Variants in RPRD1B observed in about 807,000 individuals in gnomAD.
The protein encoded by RPRD1B is regulation of nuclear pre-mRNA domain-containing protein 1B.
In RPRD1B, 11 loss-of-function variants were observed where a neutral mutation model predicts 41.5. The ratio of observed to expected loss-of-function variants is 0.27; its 90% confidence interval spans 0.17 to 0.44. RPRD1B has a LOEUF of 0.44. RPRD1B is among the 20% of genes least tolerant of loss of function. The pLI, the probability that RPRD1B is intolerant of heterozygous loss-of-function variation, is 1.00. For synonymous variants in RPRD1B, 158 were observed against 155.6 expected, an observed-to-expected ratio of 1.02 and a Z score of -0.12; for missense variants, 248 against 389.9, an observed-to-expected ratio of 0.64 and a Z score of 3.06.
chr20:38,058,534 A>G (rs557076821), intron 4 of RPRD1B, among the ~76,000 whole-genome samples: 11 of 152,306 alleles, frequency 7.2e-5, no homozygotes, highest in Admixed American at 1.3e-4. Context: ...GTTTTCTGAC[A>G]ATTTAAGAAA....
intron 6 of RPRD1B, among the ~76,000 whole-genome samples, chr20:38,067,538 A>G (rs575990729): frequency 1.3e-5 from 2 of 152,330 alleles, no homozygotes; most frequent in East Asian, 3.9e-4. Context: ...GCCTTTCAGC[A>G]TGGTCATCTG....
At chr20:38,088,613 G>A (rs960476418) in intron 6 of RPRD1B, among the ~76,000 whole-genome samples, 1 of 152,212 alleles carries the variant, frequency 6.6e-6, no homozygotes, top group Non-Finnish European at 1.5e-5. Flanking sequence ...ACATGGCCTA[G>A]GGTTGTTTTC....
At chr20:38,076,061 T>C (rs1157817731) in intron 6 of RPRD1B, among the ~76,000 whole-genome samples, 1 of 152,182 alleles carries the variant, frequency 6.6e-6, no homozygotes, top group Non-Finnish European at 1.5e-5. Context: ...TGGACAGTAA[T>C]TATGAATGGA....
At chr20:38,084,737 T>G (rs922409350) in intron 6 of RPRD1B, among the ~76,000 whole-genome samples, 2 of 152,226 alleles carry the variant, frequency 1.3e-5, no homozygotes, top group African/African-American at 2.4e-5. Flanking sequence ...ACACATTTTC[T>G]CCTGTAAGTT....
At chr20:38,077,266 A>G (rs2074471882) in intron 6 of RPRD1B, among the ~76,000 whole-genome samples, 1 of 151,706 alleles carries the variant, frequency 6.6e-6, no homozygotes, top group African/African-American at 2.4e-5. Context: ...TCAGTTACCA[A>G]CTGGATGTTG....
intron 6 of RPRD1B, among the ~76,000 whole-genome samples, chr20:38,077,220 G>A (rs2074471523): frequency 6.6e-6 from 1 of 151,982 alleles, no homozygotes; most frequent in East Asian, 1.9e-4. Context: ...ACCAGGCCTG[G>A]ACCTTTTCCT....
chr20:38,066,186 T>A lies in RPRD1B; in HGVS notation c.761T>A (p.Leu254Gln). ...GCAGAACTGGAGGACCGTCGCCAGC[T>A]GGCTCGGATGTTGGTGGAGTATACC... The part of the protein sequence containing the change: ...LAAELEDRRQ[L>Q]ARMLVEYTQN... The change falls in exon 6 of 7, where the codon CTG (leucine) becomes CAG (glutamine). Residue 254 changes from leucine to glutamine, a missense_variant. Transcript: ENST00000373433. 6.2e-7 allele frequency: 1 copy of A among 1,614,232 alleles called. No homozygotes were observed.
intron 2 of RPRD1B, among the ~76,000 whole-genome samples, chr20:38,047,494 C>T (rs1032057051): frequency 2.0e-5 from 3 of 150,964 alleles, no homozygotes; most frequent in Non-Finnish European, 4.4e-5. Context: ...TAAAGTCATT[C>T]AGTATAAGAT....
chr20:38,081,568 G>T (rs1367301091), intron 6 of RPRD1B, among the ~76,000 whole-genome samples: 1 of 152,070 alleles, frequency 6.6e-6, no homozygotes, highest in Non-Finnish European at 1.5e-5. Flanking sequence ...GATTGCTCTG[G>T]CTAGGACTTC....
intron 4 of RPRD1B, among the ~76,000 whole-genome samples, chr20:38,057,965 G>A (rs978485908): frequency 1.3e-5 from 2 of 152,164 alleles, no homozygotes; most frequent in African/African-American, 2.4e-5. Context: ...TTCAAAAGTC[G>A]TCTACCATGG....
intron 3 of RPRD1B, among the ~76,000 whole-genome samples, chr20:38,056,044 T>C (rs142842276): frequency 6.6e-6 from 1 of 152,304 alleles, no homozygotes; most frequent in Non-Finnish European, 1.5e-5. Context: ...CGGCCTGTAT[T>C]GCAGATGTTC....
chr20:38,074,448 T>C (rs1161921423), intron 6 of RPRD1B, among the ~76,000 whole-genome samples: 1 of 152,202 alleles, frequency 6.6e-6, no homozygotes, highest in African/African-American at 2.4e-5. Flanking sequence ...AAGAACATGA[T>C]TTGCCAACAT....
At position 38,091,993 on chromosome 20, in the gene RPRD1B, T is replaced by C; in HGVS notation, c.*2118T>C. 7 of 985,914 alleles carry C rather than the reference T, an allele frequency of 7.1e-6. No homozygotes were observed. Among genetic ancestry groups the C allele is most frequent in the Non-Finnish European group, 8.4e-6 (7 of 829,936 alleles). 61.1% of individuals were successfully genotyped at this position (985,914 alleles called of 1,614,324 possible). Reference sequence around the variant, plus strand: ...TGTTTTGATGAAATGCTTTCGTTTTTTAAATCTTAATTCTGCTGTCCACAT... The same window carrying C: ...TGTTTTGATGAAATGCTTTCGTTTTCTAAATCTTAATTCTGCTGTCCACAT... On this transcript the variant is annotated 3_prime_UTR_variant, in exon 7 of 7. Transcript: ENST00000373433.
chr20:38,053,945 C>T (rs1600404440), intron 3 of RPRD1B, among the ~76,000 whole-genome samples: 1 of 152,052 alleles, frequency 6.6e-6, no homozygotes. Context: ...TTTTGATATC[C>T]GTAGCGGTCC....
chr20:38,086,262 A>G (rs1031543960), intron 6 of RPRD1B, among the ~76,000 whole-genome samples: 5 of 152,220 alleles, frequency 3.3e-5, no homozygotes, highest in Non-Finnish European at 5.9e-5. Context: ...GACTATAAAA[A>G]TTACTATAGC....
chr20:38,074,135 A>G (rs574275233), intron 6 of RPRD1B, among the ~76,000 whole-genome samples: 52 of 152,138 alleles, frequency 3.4e-4, no homozygotes, highest in South Asian at 1.7e-3. Context: ...CCCTACTTTG[A>G]TGTGGGAGTT....
chr20:38,072,827 A>G (rs2074425272), intron 6 of RPRD1B, among the ~76,000 whole-genome samples: 1 of 152,196 alleles, frequency 6.6e-6, no homozygotes, highest in Non-Finnish European at 1.5e-5. Context: ...TCTAGAAGAT[A>G]TGAGTATTTT....
At chr20:38,077,179 A>G (rs1468182887) in intron 6 of RPRD1B, among the ~76,000 whole-genome samples, 1 of 151,650 alleles carries the variant, frequency 6.6e-6, no homozygotes, top group East Asian at 1.9e-4. Context: ...CAGCCTCCCA[A>G]AGCGCTGGGA....
rs1480545500 is a variant in RPRD1B at position 38,092,198 on chromosome 20, T to C, written c.*2323T>C. 8 of 985,672 alleles carry C rather than the reference T, an allele frequency of 8.1e-6. No individual in the cohort carries two copies. Among genetic ancestry groups the C allele is most frequent in the Non-Finnish European group, 9.6e-6 (8 of 829,882 alleles). 61.1% of individuals were successfully genotyped at this position (985,672 alleles called of 1,614,324 possible). A position where few individuals can be genotyped will look rare whatever the true frequency, so the allele number is the denominator to read the frequency against. ...CATATTCCTCAGAAAGTCTTCAATC[T>C]TCCCTTGTTTTTGTTTGTTTGTTTT... On this transcript the variant is annotated 3_prime_UTR_variant, in exon 7 of 7. Coordinates refer to ENST00000373433, the MANE Select transcript of RPRD1B (RefSeq NM_021215.4).
Sources: allele counts gnomAD v4.1 joint callset (sites outside exome capture counted in the v4.1 genomes callset), GRCh38; gene constraint gnomAD v4.1.1; transcripts MANE v1.5; gene names NCBI Gene and HGNC (gene_info 2026-07-23, HGNC 2026-07-21).